CDH12: variants seen among roughly 807,000 people sequenced by gnomAD.
CDH12 encodes cadherin-12.
Under a neutral mutation model 74.1 loss-of-function variants are expected in CDH12, and 41 were observed. That is an observed-to-expected ratio of 0.55 (90% CI 0.43 to 0.72). CDH12 has a LOEUF of 0.72. Ranked by LOEUF, CDH12 falls within the 30% of genes least tolerant of loss-of-function variation. The pLI, the probability that CDH12 is intolerant of heterozygous loss-of-function variation, is 0.00. For synonymous variants in CDH12, 399 were observed against 355.0 expected (o/e 1.12, Z -1.39); for missense variants, 945 against 977.2 (o/e 0.97, Z 0.44).
At position 21,974,991 on chromosome 5, in the gene CDH12, A is replaced by G. The variant is rs563116793; in HGVS notation, c.526+100T>C. The G allele has an allele frequency of 1.7e-4, 140 of 802,824 alleles. No individual in the cohort carries two copies. In the African/African-American group the frequency reaches 2.1e-3, roughly 12 times the overall value. 49.7% of individuals were successfully genotyped at this position (802,824 alleles called of 1,614,324 possible). ...ACTGTATTTTCTAGAATTGAAAAAT[A>G]TTCTTTTAGATGATAGATAAGATGT... On this transcript the variant is annotated intron_variant, in intron 6 of 14. Coordinates refer to ENST00000382254, the MANE Select transcript of CDH12 (RefSeq NM_004061.5).
intron 3 of CDH12, among the ~76,000 whole-genome samples, chr5:22,280,594 C>T (rs1184551227): frequency 1.3e-5 from 2 of 152,166 alleles, no homozygotes; most frequent in African/African-American, 2.4e-5. Context: ...ACTATAAACA[C>T]CTCTATGCAA....
chr5:21,830,711 T>C (rs1337913693), intron 8 of CDH12, among the ~76,000 whole-genome samples: 1 of 152,040 alleles, frequency 6.6e-6, no homozygotes, highest in Non-Finnish European at 1.5e-5. Context: ...CCCTAGGCCC[T>C]CTGTGCTTTA....
chr5:22,481,913 C>A (rs1746399072), intron 2 of CDH12, among the ~76,000 whole-genome samples: 1 of 152,042 alleles, frequency 6.6e-6, no homozygotes, highest in Admixed American at 6.6e-5. Context: ...TATGAGGAAA[C>A]TTTTAGAGTG....
chr5:21,863,188 A>T (rs1317439215), intron 6 of CDH12, among the ~76,000 whole-genome samples: 1 of 151,986 alleles, frequency 6.6e-6, no homozygotes, highest in Non-Finnish European at 1.5e-5. Flanking sequence ...GCTGCCAGAG[A>T]CCCCATGCTG....
At chr5:22,391,565 G>A (rs565842915) in intron 3 of CDH12, among the ~76,000 whole-genome samples, 13 of 151,874 alleles carry the variant, frequency 8.6e-5, no homozygotes, top group East Asian at 5.8e-4. Context: ...ATGCCAATAC[G>A]TTAAGTATTT....
chr5:21,757,226 A>G (rs1579643381), intron 13 of CDH12, among the ~76,000 whole-genome samples: 1 of 152,000 alleles, frequency 6.6e-6, no homozygotes, highest in Non-Finnish European at 1.5e-5. Flanking sequence ...CCCAGGCTGG[A>G]GTACAGTGGA....
intron 1 of CDH12, among the ~76,000 whole-genome samples, chr5:22,766,471 A>G (rs1246830808): frequency 6.6e-6 from 1 of 152,124 alleles, no homozygotes; most frequent in Non-Finnish European, 1.5e-5. Flanking sequence ...ATTGAATGAC[A>G]ATGTCAGATG....
intron 2 of CDH12, among the ~76,000 whole-genome samples, chr5:22,457,432 T>C (rs1440422286): frequency 2.0e-5 from 3 of 151,948 alleles, no homozygotes; most frequent in African/African-American, 7.3e-5. Context: ...TTCATTTTTT[T>C]TTTTTGAGAT....
chr5:22,202,125 C>A (rs1401923203), intron 4 of CDH12, among the ~76,000 whole-genome samples: 1 of 149,964 alleles, frequency 6.7e-6, no homozygotes, highest in African/African-American at 2.5e-5. Flanking sequence ...CCCTCCCTCT[C>A]TTTTCCTCCC....
intron 5 of CDH12, among the ~76,000 whole-genome samples, chr5:21,976,564 C>G (rs115200823): frequency 0.012 from 1,782 of 150,662 alleles, 35 homozygotes; most frequent in African/African-American, 0.041. Context: ...ATAACATAGT[C>G]TTATAAATAA....
At chr5:22,295,859 T>G (rs1737602687) in intron 3 of CDH12, among the ~76,000 whole-genome samples, 1 of 152,048 alleles carries the variant, frequency 6.6e-6, no homozygotes, top group Non-Finnish European at 1.5e-5. Flanking sequence ...AGCAAGCCAA[T>G]ACTGGATTTT....
intron 6 of CDH12, among the ~76,000 whole-genome samples, chr5:21,898,898 G>A (rs549985566): frequency 1.8e-4 from 27 of 151,852 alleles, no homozygotes; most frequent in Non-Finnish European, 3.2e-4. Context: ...ACAAAAATGA[G>A]TTGATCTAAG....
intron 1 of CDH12, among the ~76,000 whole-genome samples, chr5:22,516,575 G>T (rs774531582): frequency 2.0e-5 from 3 of 151,906 alleles, no homozygotes; most frequent in African/African-American, 7.3e-5. Context: ...TGGGTGGATC[G>T]CTTGTGTCCA....
intron 4 of CDH12, among the ~76,000 whole-genome samples, chr5:22,152,763 C>T (rs185026845): frequency 2.2e-4 from 34 of 152,284 alleles, no homozygotes; most frequent in African/African-American, 7.5e-4. Context: ...ACCAATGTCT[C>T]CTCACCCTAC....
chr5:22,293,287 T>C (rs189758902), intron 3 of CDH12, among the ~76,000 whole-genome samples: 2 of 152,250 alleles, frequency 1.3e-5, no homozygotes, highest in Admixed American at 1.3e-4. Flanking sequence ...CCTCCTTTGT[T>C]TGGTGTGCTC....
At chr5:21,776,182 A>T (rs1745575752) in intron 11 of CDH12, among the ~76,000 whole-genome samples, 1 of 152,210 alleles carries the variant, frequency 6.6e-6, no homozygotes, top group Non-Finnish European at 1.5e-5. Flanking sequence ...CTGGAAACTG[A>T]GGGCAGCTTC....
intron 6 of CDH12, among the ~76,000 whole-genome samples, chr5:21,915,822 CTGTGTG>C (rs36126825): frequency 0.028 from 3,876 of 140,110 alleles, 165 homozygotes; most frequent in African/African-American, 0.088. Context: ...ATCATTTGTG[CTGTGTG>C]TGTGTGTGTG....
At chr5:22,761,452 G>T (rs1448775149) in intron 1 of CDH12, among the ~76,000 whole-genome samples, 1 of 152,152 alleles carries the variant, frequency 6.6e-6, no homozygotes, top group Admixed American at 6.5e-5. Flanking sequence ...CCCCCCAGGA[G>T]TTTTCATAAT....
At chr5:22,427,922 G>A (rs904648040) in intron 2 of CDH12, among the ~76,000 whole-genome samples, 1 of 152,030 alleles carries the variant, frequency 6.6e-6, no homozygotes, top group African/African-American at 2.4e-5. Flanking sequence ...TTTTTATTCT[G>A]GGAAAGAACA....
Sources: gnomAD v4.1 joint callset for allele counts (sites outside exome capture counted in the v4.1 genomes callset) on GRCh38, gnomAD v4.1.1 for gene constraint, MANE v1.5 for transcripts, NCBI Gene and HGNC (gene_info 2026-07-23, HGNC 2026-07-21) for gene names.